The following TNIP3 variants were observed in gnomAD, a reference collection of about 807,000 sequenced individuals.
TNIP3 encodes the protein TNFAIP3-interacting protein 3.
TNIP3 carries 34 observed loss-of-function variants against 54.1 expected under a neutral mutation model. The observed-to-expected ratio is 0.63, with a 90% CI of 0.48 to 0.84. TNIP3 has a LOEUF of 0.84. TNIP3 is among the 40% of genes least tolerant of loss of function. TNIP3 has a pLI of 0.00. For synonymous variants in TNIP3, 134 were observed against 136.8 expected, an observed-to-expected ratio of 0.98 and a Z score of 0.14; for missense variants, 366 against 387.6, an observed-to-expected ratio of 0.94 and a Z score of 0.47.
Position 121,196,764 on chromosome 4 carries a change from TATA to T in TNIP3, c.69-13971_69-13969del, listed in dbSNP as rs1282537189. On this transcript the variant is annotated intron_variant, in intron 2 of 12. Coordinates refer to the TNIP3 transcript ENST00000507879. The stretch of plus-strand genomic sequence containing the variant: ...GTATAAAGGTTTTTATAATAATTGT[TATA>T]ATAATACAATTTCAACGTAGAAAAT... Among the ~76,000 whole-genome samples, 8 of 152,062 alleles carry T rather than the reference TATA, an allele frequency of 5.3e-5. No individual in the cohort carries two copies. In the East Asian group the frequency reaches 1.3e-3, roughly 26 times the overall value.
chr4:121,205,898 C>T (rs1319987089), intron 2 of TNIP3, among the ~76,000 whole-genome samples: 1 of 152,048 alleles, frequency 6.6e-6, no homozygotes, highest in Non-Finnish European at 1.5e-5. Flanking sequence ...GCTGGAAAGG[C>T]CTCAGAAAAC....
intron 10 of TNIP3, 120 bp downstream of exon 10, chr4:121,138,504 T>C: frequency 1.1e-6 from 1 of 929,534 alleles, no homozygotes; most frequent in Non-Finnish European, 1.7e-6. Context: ...GTTATGTATG[T>C]AACACAACTT....
chr4:121,142,355 C>T (rs1729168773), intron 8 of TNIP3, among the ~76,000 whole-genome samples: 1 of 152,278 alleles, frequency 6.6e-6, no homozygotes, highest in Admixed American at 6.5e-5. Context: ...GGATAGAATG[C>T]TTCAGTGCTC....
intron 2 of TNIP3, among the ~76,000 whole-genome samples, chr4:121,186,054 G>A (rs377764405): frequency 1.1e-4 from 17 of 152,296 alleles, no homozygotes; most frequent in South Asian, 8.3e-4. Flanking sequence ...TTCAGCACAC[G>A]TCCCTCAGGA....
At chr4:121,152,117 G>A (rs888363458) in intron 5 of TNIP3, among the ~76,000 whole-genome samples, 4 of 152,104 alleles carry the variant, frequency 2.6e-5, no homozygotes, top group Admixed American at 6.5e-5. Context: ...TAATTACAAG[G>A]CTGACATATT....
chr4:121,203,389 G>A (rs978516193), intron 2 of TNIP3, among the ~76,000 whole-genome samples: 8 of 152,136 alleles, frequency 5.3e-5, no homozygotes, highest in African/African-American at 1.4e-4. Flanking sequence ...AACATCATAT[G>A]TTCTCACTCA....
exon 2 of TNIP3, chr4:121,216,470 C>T: frequency 6.5e-7 from 1 of 1,535,620 alleles, no homozygotes; most frequent in Non-Finnish European, 8.7e-7. Flanking sequence ...TCGTGTTTCT[C>T]ATTTTTGTTC....
At chr4:121,203,315 G>A (rs113943102) in intron 2 of TNIP3, among the ~76,000 whole-genome samples, 491 of 152,134 alleles carry the variant, frequency 3.2e-3, no homozygotes, top group East Asian at 0.019. Context: ...AATGGCATTC[G>A]CAGCAGCCTG....
chr4:121,140,685 C>A (rs1368684163), intron 9 of TNIP3, among the ~76,000 whole-genome samples: 1 of 151,948 alleles, frequency 6.6e-6, no homozygotes, highest in African/African-American at 2.4e-5. Flanking sequence ...ATGTTTCTCA[C>A]AATCTGAGTT....
chr4:121,214,722 T>C lies in TNIP3; in HGVS notation c.68+1693A>G, dbSNP rs1436843627. 3.3e-5 allele frequency among the ~76,000 whole-genome samples: 5 copies of C among 152,250 alleles called. 1 individual carries two copies. The highest frequency in any genetic ancestry group is 3.3e-4 in the Admixed American group (5 of 15,282). ...GTTCAACATCACATCATATATTTTT[T>C]GCTTCTGTAATGCCTATAGTATCTT... On this transcript the variant is annotated intron_variant, in intron 2 of 12. Transcript: ENST00000507879.
intron 2 of TNIP3, among the ~76,000 whole-genome samples, chr4:121,211,616 T>C (rs991114129): frequency 1.9e-4 from 29 of 152,236 alleles, no homozygotes; most frequent in Non-Finnish European, 3.8e-4. Context: ...TATTTCCAAA[T>C]TGCCCTGAAA....
upstream of TNIP3, among the ~76,000 whole-genome samples, chr4:121,220,197 A>G (rs1455550482): frequency 2.6e-5 from 4 of 152,192 alleles, no homozygotes; most frequent in Non-Finnish European, 4.4e-5. Context: ...CACATAAGAG[A>G]CCTACAGGTA....
At chr4:121,153,217 A>G (rs2148808537) in intron 5 of TNIP3, among the ~76,000 whole-genome samples, 1 of 152,324 alleles carries the variant, frequency 6.6e-6, no homozygotes, top group African/African-American at 2.4e-5. Context: ...CGGAATGATG[A>G]AAAATTGTAT....
At position 121,157,142 on chromosome 4, in the gene TNIP3, CTCTCTCTGCCTGTCG is replaced by C. The variant is rs1172051227; in HGVS notation, c.300_314del (p.Asp100_Arg104del). Reference sequence around the variant, plus strand: ...GGGTCAGGTCGCGCTGCCTGTCGTCCTCTCTCTGCCTGTCGTCCTTTCTCTGCCTCTGATGCGGAT... The same window carrying C: ...GGGTCAGGTCGCGCTGCCTGTCGTCCTCCTTTCTCTGCCTCTGATGCGGAT... On this transcript the variant is annotated inframe_deletion, in exon 4 of 11. Transcript: ENST00000057513. The C allele has an allele frequency of 1.9e-6, 3 of 1,601,046 alleles. No homozygotes were observed. The highest frequency in any genetic ancestry group is 2.6e-6 in the Non-Finnish European group (3 of 1,173,280).
chr4:121,160,502 A>G (rs190032053), intron 2 of TNIP3, among the ~76,000 whole-genome samples: 7 of 152,262 alleles, frequency 4.6e-5, no homozygotes, highest in Admixed American at 1.3e-4. Flanking sequence ...GGAATTACAA[A>G]ATTGACAATA....
chr4:121,204,715 G>A (rs951718082), intron 2 of TNIP3, among the ~76,000 whole-genome samples: 1 of 152,050 alleles, frequency 6.6e-6, no homozygotes, highest in East Asian at 1.9e-4. Flanking sequence ...ATATAGAATA[G>A]ATTTACCAAC....
chr4:121,222,486 C>T (rs888099438), intron 1 of TNIP3, among the ~76,000 whole-genome samples: 1 of 152,136 alleles, frequency 6.6e-6, no homozygotes, highest in African/African-American at 2.4e-5. Flanking sequence ...GCCCCACTGT[C>T]CTTACCTACA....
At position 121,150,223 on chromosome 4, in the gene TNIP3, CGT is replaced by C. The variant is rs1395912952; in HGVS notation, c.493-6_493-5del. On this transcript the variant is annotated splice_polypyrimidine_tract_variant and splice_region_variant and intron_variant, in intron 5 of 10. Coordinates refer to ENST00000057513, the MANE Select transcript of TNIP3 (RefSeq NM_024873.6). ...TATTCAAGGCATCCTGAAGAGCCTA[CGT>C]AATAAGATAAGTACACTGTTGATCT... The C allele has an allele frequency of 5.7e-6, 9 of 1,570,776 alleles. No individual in the cohort carries two copies. Among genetic ancestry groups the C allele is most frequent in the Non-Finnish European group, 7.9e-6 (9 of 1,142,004 alleles).
chr4:121,186,305 A>G (rs1207395765), intron 2 of TNIP3, among the ~76,000 whole-genome samples: 2 of 152,206 alleles, frequency 1.3e-5, no homozygotes, highest in Non-Finnish European at 2.9e-5. Context: ...TTGAGCACTC[A>G]GGAATCCAGC....
Sources: gnomAD v4.1 joint callset for allele counts (sites outside exome capture counted in the v4.1 genomes callset) on GRCh38, gnomAD v4.1.1 for gene constraint, MANE v1.5 for transcripts, NCBI Gene and HGNC (gene_info 2026-07-23, HGNC 2026-07-21) for gene names.